Variants in DMRT1 observed in about 807,000 individuals in gnomAD.
The protein encoded by DMRT1 is doublesex- and mab-3-related transcription factor 1.
A neutral mutation model predicts 32.3 loss-of-function variants in DMRT1; 7 were observed. The observed-to-expected ratio is 0.22, with a 90% CI of 0.12 to 0.41. The LOEUF (loss-of-function observed/expected upper bound fraction) is 0.41, where lower values mean the gene tolerates loss of function less well. Among genes scored for constraint, DMRT1 ranks in the 10% least tolerant of loss-of-function variants. The pLI, the probability that DMRT1 is intolerant of heterozygous loss-of-function variation, is 1.00. For synonymous variants in DMRT1, 278 were observed against 206.1 expected (o/e 1.35, Z -2.99); for missense variants, 625 against 500.5 (o/e 1.25, Z -2.37).
At chr9:939,804 C>G (rs1300855137) in intron 4 of DMRT1, among the ~76,000 whole-genome samples, 1 of 152,192 alleles carries the variant, frequency 6.6e-6, no homozygotes, top group Non-Finnish European at 1.5e-5. Flanking sequence ...TATTTTTCCT[C>G]TCCCTCCTCT....
At chr9:947,023 G>A (rs542415934) in intron 4 of DMRT1, among the ~76,000 whole-genome samples, 1 of 152,322 alleles carries the variant, frequency 6.6e-6, no homozygotes, top group Non-Finnish European at 1.5e-5. Context: ...TACATGATTG[G>A]CAGTTTATTA....
rs1159130254 is a variant in DMRT1 at position 858,859 on chromosome 9, AAAAAAAAAAAAAT to A, written c.538+11718_538+11730del. ...ATTGCACTCCAGTCTGTCTCAAAAA[AAAAAAAAAAAAAT>A]ATATATATATATATATATATATTTA... is the stretch of plus-strand genomic sequence containing the variant. On this transcript the variant is annotated intron_variant, in intron 2 of 4. Transcript: ENST00000382276. Among the ~76,000 whole-genome samples, 176 of 104,626 alleles carry A rather than the reference AAAAAAAAAAAAAT, an allele frequency of 1.7e-3. 1 individual carries two copies. The East Asian group carries it at 0.027, about 16-fold the overall frequency. 68.6% of individuals were successfully genotyped at this position (104,626 alleles called of 152,430 possible). A position where few individuals can be genotyped will look rare whatever the true frequency, so the allele number is the denominator to read the frequency against.
intron 3 of DMRT1, among the ~76,000 whole-genome samples, chr9:909,186 G>A (rs1359639375): frequency 1.3e-5 from 2 of 152,130 alleles, no homozygotes; most frequent in Non-Finnish European, 2.9e-5. Flanking sequence ...GACACAAAAG[G>A]AAAGGAAGTC....
At chr9:881,060 G>A (rs1816716768) in intron 2 of DMRT1, among the ~76,000 whole-genome samples, 1 of 152,100 alleles carries the variant, frequency 6.6e-6, no homozygotes, top group Non-Finnish European at 1.5e-5. Flanking sequence ...GCGGGAGGCT[G>A]TCACGCAAAG....
intron 4 of DMRT1, among the ~76,000 whole-genome samples, chr9:945,891 A>G (rs1564269012): frequency 6.6e-6 from 1 of 152,074 alleles, no homozygotes; most frequent in African/African-American, 2.4e-5. Flanking sequence ...ACATGCAGAT[A>G]TGTGTTTCTG....
intron 2 of DMRT1, among the ~76,000 whole-genome samples, chr9:860,992 A>G (rs1312420471): frequency 6.6e-6 from 1 of 151,956 alleles, no homozygotes; most frequent in Non-Finnish European, 1.5e-5. Context: ...GTTTAGCATG[A>G]ATGCAGTGGA....
chr9:946,537 C>T (rs569620631), intron 4 of DMRT1, among the ~76,000 whole-genome samples: 1 of 152,264 alleles, frequency 6.6e-6, no homozygotes, highest in Admixed American at 6.5e-5. Flanking sequence ...AGACAAGCCC[C>T]GGCATAGTCC....
chr9:911,095 G>A (rs926489126), intron 3 of DMRT1, among the ~76,000 whole-genome samples: 4 of 152,110 alleles, frequency 2.6e-5, no homozygotes, highest in African/African-American at 9.7e-5. Context: ...AGTTTAAAGG[G>A]AGCTTCTCAC....
At chr9:935,628 G>C (rs1310958483) in intron 4 of DMRT1, among the ~76,000 whole-genome samples, 1 of 152,238 alleles carries the variant, frequency 6.6e-6, no homozygotes, top group African/African-American at 2.4e-5. Flanking sequence ...GGCTGTGAGA[G>C]TTTATGCTGC....
chr9:926,181 T>G lies in DMRT1; in HGVS notation c.967+9274T>G, dbSNP rs1328423528. ...CGGCATATCAGGTGTGGTGTTCTCT[T>G]TACATTGCTATTCCCAAAGCTCAGT... On this transcript the variant is annotated intron_variant, in intron 4 of 4. Transcript: ENST00000382276. Among the ~76,000 whole-genome samples, 5 of 152,206 alleles carry G rather than the reference T, an allele frequency of 3.3e-5. No homozygotes were observed. In the East Asian group the frequency reaches 9.6e-4, roughly 29 times the overall value.
intron 2 of DMRT1, among the ~76,000 whole-genome samples, chr9:870,455 G>C (rs1589476920): frequency 6.6e-6 from 1 of 152,096 alleles, no homozygotes; most frequent in Non-Finnish European, 1.5e-5. Context: ...CCTGTGGCCT[G>C]TGGTTGACCT....
At chr9:849,167 A>G (rs369640357) in intron 2 of DMRT1, among the ~76,000 whole-genome samples, 7 of 152,232 alleles carry the variant, frequency 4.6e-5, no homozygotes, top group East Asian at 1.9e-4. Context: ...CTGCCACAGA[A>G]AAGAGCTGGC....
chr9:962,176 A>G (rs1370987518), intron 4 of DMRT1, among the ~76,000 whole-genome samples: 1 of 152,186 alleles, frequency 6.6e-6, no homozygotes, highest in African/African-American at 2.4e-5. Flanking sequence ...ACACCCCTGG[A>G]CGGGACTAGT....
chr9:924,409 TG>T (rs368874218), intron 4 of DMRT1, among the ~76,000 whole-genome samples: 98 of 152,280 alleles, frequency 6.4e-4, no homozygotes, highest in African/African-American at 2.2e-3. Flanking sequence ...ATCTGGAAAG[TG>T]GAAAACAATA....
At chr9:946,172 C>T (rs1463783866) in intron 4 of DMRT1, among the ~76,000 whole-genome samples, 2 of 151,114 alleles carry the variant, frequency 1.3e-5, no homozygotes, top group Non-Finnish European at 2.9e-5. Context: ...ATGCTGCCCT[C>T]TCCTTGTGCA....
chr9:862,151 G>T (rs1238303038), intron 2 of DMRT1, among the ~76,000 whole-genome samples: 1 of 150,556 alleles, frequency 6.6e-6, no homozygotes, highest in Non-Finnish European at 1.5e-5. Context: ...CAAGGCAGGC[G>T]GCTGGGAGGT....
At chr9:857,895 C>T (rs1021098465) in intron 2 of DMRT1, among the ~76,000 whole-genome samples, 10 of 149,538 alleles carry the variant, frequency 6.7e-5, no homozygotes, top group Non-Finnish European at 1.3e-4. Context: ...TTTGTCCTTG[C>T]GATAGTTTGC....
chr9:895,070 C>T (rs1817302710), intron 3 of DMRT1: 1 of 152,248 alleles, frequency 6.6e-6, no homozygotes, highest in Non-Finnish European at 1.5e-5. Context: ...CCGCCTCGGC[C>T]TCCCAAAGTG....
At chr9:872,275 C>A (rs190534338) in intron 2 of DMRT1, among the ~76,000 whole-genome samples, 67 of 151,700 alleles carry the variant, frequency 4.4e-4, no homozygotes, top group South Asian at 6.3e-4. Context: ...GTTGGCCAGG[C>A]TGGTCTCGAA....
Sources: allele counts gnomAD v4.1 joint callset (sites outside exome capture counted in the v4.1 genomes callset), GRCh38; gene constraint gnomAD v4.1.1; transcripts MANE v1.5; gene names NCBI Gene and HGNC (gene_info 2026-07-23, HGNC 2026-07-21).